ARHGAP26: variants seen among roughly 807,000 people sequenced by gnomAD.
ARHGAP26 encodes the protein Rho GTPase activating protein 26.
A neutral mutation model predicts 104.8 loss-of-function variants in ARHGAP26; 38 were observed. That is an observed-to-expected ratio of 0.36 (90% CI 0.28 to 0.48). The LOEUF is 0.48. Ranked by LOEUF, ARHGAP26 falls within the 20% of genes least tolerant of loss-of-function variation. ARHGAP26 has a pLI of 0.99. For synonymous variants in ARHGAP26, 341 were observed against 340.0 expected, an observed-to-expected ratio of 1.00 and a Z score of -0.03; for missense variants, 704 against 947.9, an observed-to-expected ratio of 0.74 and a Z score of 3.38.
chr5:142,836,511 A>T (rs746530775), intron 1 of ARHGAP26, among the ~76,000 whole-genome samples: 8 of 152,234 alleles, frequency 5.3e-5, no homozygotes, highest in Non-Finnish European at 1.2e-4. Flanking sequence ...AAGTAAGAAG[A>T]AGTCTCCCAT....
intron 20 of ARHGAP26, among the ~76,000 whole-genome samples, chr5:143,155,418 A>G (rs1027301030): frequency 1.3e-5 from 2 of 152,208 alleles, no homozygotes; most frequent in Admixed American, 6.5e-5. Context: ...TCACTCATCA[A>G]TCGGGAGCCC....
chr5:142,923,701 TA>T (rs1269975358), intron 10 of ARHGAP26, among the ~76,000 whole-genome samples: 2 of 152,186 alleles, frequency 1.3e-5, no homozygotes, highest in African/African-American at 4.8e-5. Flanking sequence ...CAGTCTCTCA[TA>T]AAAATGTAAG....
At chr5:143,096,608 A>G (rs1792351668) in intron 17 of ARHGAP26, among the ~76,000 whole-genome samples, 1 of 152,074 alleles carries the variant, frequency 6.6e-6, no homozygotes, top group East Asian at 1.9e-4. Flanking sequence ...CTCCTTCGTT[A>G]TTATATAAAA....
chr5:142,842,478 G>C (rs1771006752), intron 1 of ARHGAP26, among the ~76,000 whole-genome samples: 1 of 152,170 alleles, frequency 6.6e-6, no homozygotes, highest in African/African-American at 2.4e-5. Flanking sequence ...TCTGGTTAGT[G>C]CAGTTTATTC....
chr5:143,094,847 T>C (rs1792070322), intron 17 of ARHGAP26, among the ~76,000 whole-genome samples: 2 of 151,938 alleles, frequency 1.3e-5, no homozygotes, highest in Non-Finnish European at 2.9e-5. Context: ...GAGCAGGTAA[T>C]GGGAATGAGT....
Position 142,879,462 on chromosome 5 carries a change from C to A in ARHGAP26, c.384+17C>A, listed in dbSNP as rs1222583002. Reference sequence around the variant, plus strand: ...GCTGCCAAGGTGAGAATTTTGCAAGCTTTGGTCTGGATTTTAGGGTGAGAG... The same window carrying A: ...GCTGCCAAGGTGAGAATTTTGCAAGATTTGGTCTGGATTTTAGGGTGAGAG... On this transcript the variant is annotated intron_variant, in intron 4 of 22. Transcript: ENST00000645722. 1 of 1,606,046 alleles carries A rather than the reference C, an allele frequency of 6.2e-7. No individual in the cohort carries two copies. The highest frequency in any genetic ancestry group is 1.1e-5 in the South Asian group (1 of 89,792).
intron 12 of ARHGAP26, among the ~76,000 whole-genome samples, chr5:143,019,455 C>T (rs535070108): frequency 6.6e-6 from 1 of 152,194 alleles, no homozygotes; most frequent in South Asian, 2.1e-4. Context: ...TTTGCTGTTC[C>T]CTACCTTTGG....
intron 19 of ARHGAP26, among the ~76,000 whole-genome samples, chr5:143,143,486 A>G (rs1191183515): frequency 6.6e-6 from 1 of 152,270 alleles, no homozygotes; most frequent in African/African-American, 2.4e-5. Flanking sequence ...ATTTGGTTGC[A>G]TACTCATGTT....
chr5:142,903,756 C>T, intron 8 of ARHGAP26, 87 bp downstream of exon 8: 3 of 1,367,324 alleles, frequency 2.2e-6, no homozygotes, highest in Non-Finnish European at 3.0e-6. Flanking sequence ...GCCTACCTTA[C>T]TGTAGATACA....
At chr5:143,006,751 C>T (rs1778028328) in intron 11 of ARHGAP26, among the ~76,000 whole-genome samples, 1 of 152,218 alleles carries the variant, frequency 6.6e-6, no homozygotes, top group African/African-American at 2.4e-5. Flanking sequence ...AGTTGAGACA[C>T]ATCCTTATTT....
At chr5:142,955,962 T>C (rs994876368) in intron 11 of ARHGAP26, among the ~76,000 whole-genome samples, 1 of 152,188 alleles carries the variant, frequency 6.6e-6, no homozygotes. Context: ...GCCAGCCTGG[T>C]ATTTCTTTAG....
chr5:142,987,325 T>C (rs1301038108), intron 11 of ARHGAP26, among the ~76,000 whole-genome samples: 1 of 152,232 alleles, frequency 6.6e-6, no homozygotes, highest in Non-Finnish European at 1.5e-5. Context: ...GGAATGCTTG[T>C]GATTTTTGCA....
chr5:142,912,531 C>T (rs564820781), intron 9 of ARHGAP26, among the ~76,000 whole-genome samples: 1 of 152,204 alleles, frequency 6.6e-6, no homozygotes, highest in South Asian at 2.1e-4. Flanking sequence ...ATAAGTTGTA[C>T]AGTTCAACAT....
rs34130538 is a variant in ARHGAP26 at position 143,027,348 on chromosome 5, CT to C, written c.1145-9833del. Reference sequence around the variant, plus strand: ...CACCATGCCTAGCTAATTTTTTTTTCTTTTTTTTTTTTTTTAGTAGAGACAG... The same window carrying C: ...CACCATGCCTAGCTAATTTTTTTTTCTTTTTTTTTTTTTTAGTAGAGACAG... On this transcript the variant is annotated intron_variant, in intron 12 of 22. Transcript: ENST00000645722. Among the ~76,000 whole-genome samples the C allele has an allele frequency of 4.3e-3, 568 of 133,242 alleles. 1 individual carries two copies. The highest frequency in any genetic ancestry group is 0.015 in the Middle Eastern group (4 of 266). The allele number at this position is 133,242 out of a possible 152,430, so 87.4% of individuals were successfully genotyped here. A position where few individuals can be genotyped will look rare whatever the true frequency, so the allele number is the denominator to read the frequency against.
intron 11 of ARHGAP26, among the ~76,000 whole-genome samples, chr5:142,958,095 A>G (rs148960325): frequency 8.5e-5 from 13 of 152,308 alleles, no homozygotes; most frequent in Admixed American, 7.2e-4. Flanking sequence ...CCAAACCTAT[A>G]TGGTCATTTT....
Position 143,121,138 on chromosome 5 carries a change from C to G in ARHGAP26, c.1689C>G (p.Asn563Lys). The change falls in exon 18 of 23, where the codon AAC becomes AAG. Residue 563 changes from asparagine to lysine, a missense_variant. This residue lies in a region of ARHGAP26 where 287 missense variants were observed against 438.8 expected (regional missense o/e 0.65). Coordinates refer to ENST00000645722, the MANE Select transcript of ARHGAP26 (RefSeq NM_001135608.3). Reference protein sequence around the residue: ...QNIVIEILIENHEKIFNTVPD... With the variant: ...QNIVIEILIEKHEKIFNTVPD... ...TTGTCATTGAGATCCTAATAGAAAACCACGAAAAGGTAATATGTAATTGAT... is the reference window on the plus strand; with the variant it reads ...TTGTCATTGAGATCCTAATAGAAAAGCACGAAAAGGTAATATGTAATTGAT... The G allele has an allele frequency of 6.2e-7, 1 of 1,612,768 alleles. No individual in the cohort carries two copies. Among genetic ancestry groups the G allele is most frequent in the Non-Finnish European group, 8.5e-7 (1 of 1,179,186 alleles).
At chr5:143,058,567 A>T (rs529832089) in intron 17 of ARHGAP26, among the ~76,000 whole-genome samples, 1 of 152,374 alleles carries the variant, frequency 6.6e-6, no homozygotes, top group East Asian at 1.9e-4. Flanking sequence ...ACAAGAAAAG[A>T]ATGAGAGCAT....
At chr5:143,043,427 C>T (rs1265246426) in intron 14 of ARHGAP26, among the ~76,000 whole-genome samples, 1 of 152,094 alleles carries the variant, frequency 6.6e-6, no homozygotes, top group Admixed American at 6.6e-5. Context: ...ATGTACTGCA[C>T]TTTGTCGAAC....
At chr5:142,813,077 G>A (rs115390691) in intron 1 of ARHGAP26, among the ~76,000 whole-genome samples, 4,993 of 151,700 alleles carry the variant, frequency 0.033, 154 homozygotes, top group African/African-American at 0.078. Context: ...AGCTGGGACT[G>A]TAGGTGCCGG....
Sources: allele counts gnomAD v4.1 joint callset (sites outside exome capture counted in the v4.1 genomes callset), GRCh38; gene constraint gnomAD v4.1.1; regional missense constraint gnomAD v4.1.1; transcripts MANE v1.5; gene names NCBI Gene and HGNC (gene_info 2026-07-23, HGNC 2026-07-21).